FER1L6: variants seen among roughly 807,000 people sequenced by gnomAD.
FER1L6 encodes the protein fer-1 like family member 6.
FER1L6 carries 177 observed loss-of-function variants against 219.2 expected under a neutral mutation model. The ratio of observed to expected loss-of-function variants is 0.81; its 90% CI spans 0.71 to 0.91. The LOEUF is 0.91. Ranked by LOEUF, FER1L6 falls within the 40% of genes least tolerant of loss-of-function variation. The pLI is 0.00. For synonymous variants in FER1L6, 768 were observed against 824.3 expected (o/e 0.93, Z 1.17); for missense variants, 2,153 against 2,259.9 (o/e 0.95, Z 0.96).
chr8:124,008,134 C>T (rs1159112658), intron 13 of FER1L6, among the ~76,000 whole-genome samples: 1 of 152,158 alleles, frequency 6.6e-6, no homozygotes, highest in Non-Finnish European at 1.5e-5. Context: ...CCACTGTATC[C>T]TTCTTATGCC....
chr8:124,054,654 T>C (rs553616246), intron 22 of FER1L6, among the ~76,000 whole-genome samples: 1 of 152,308 alleles, frequency 6.6e-6, no homozygotes, highest in African/African-American at 2.4e-5. Context: ...TGCAACTAAC[T>C]GGGCAAAGAG....
At chr8:123,907,387 G>A (rs7839570) in intron 1 of FER1L6, among the ~76,000 whole-genome samples, 40,544 of 151,870 alleles carry the variant, frequency 0.27, 5,682 homozygotes, top group East Asian at 0.43. Context: ...CCTCCATTAT[G>A]GCCCATGCCA....
chr8:123,975,124 T>C, intron 7 of FER1L6, 26 bp from the exon 8 acceptor site: 1 of 1,557,634 alleles, frequency 6.4e-7, no homozygotes, highest in South Asian at 1.2e-5. Flanking sequence ...CTGTGAAGGA[T>C]GTGAGCTGTC....
chr8:124,090,865 G>C (rs534132120), intron 33 of FER1L6, among the ~76,000 whole-genome samples: 1 of 152,316 alleles, frequency 6.6e-6, no homozygotes, highest in Admixed American at 6.5e-5. Flanking sequence ...GGAGAAGGGA[G>C]GGACGAAGCA....
intron 1 of FER1L6, among the ~76,000 whole-genome samples, chr8:123,907,859 A>G (rs913335845): frequency 6.6e-6 from 1 of 151,856 alleles, no homozygotes; most frequent in Non-Finnish European, 1.5e-5. Flanking sequence ...TGGATGTCAG[A>G]GGGGCAGTAA....
chr8:124,097,000 A>ACC (rs34846850), intron 35 of FER1L6, among the ~76,000 whole-genome samples: 2 of 151,538 alleles, frequency 1.3e-5, no homozygotes, highest in South Asian at 4.2e-4. Context: ...CATTATGTCT[A>ACC]CCCCCTAGTT....
chr8:124,114,964 C>G (rs1823183945), intron 39 of FER1L6, among the ~76,000 whole-genome samples: 1 of 138,606 alleles, frequency 7.2e-6, no homozygotes, highest in African/African-American at 2.7e-5. Context: ...TGTCAGCATA[C>G]TTTCCTCCAT....
chr8:123,971,728 G>A (rs1478735027), intron 6 of FER1L6, among the ~76,000 whole-genome samples: 5 of 152,154 alleles, frequency 3.3e-5, no homozygotes, highest in Admixed American at 1.3e-4. Flanking sequence ...GAATATATAC[G>A]ACATGGGATA....
At chr8:123,902,597 G>A (rs1309762408) in intron 1 of FER1L6, among the ~76,000 whole-genome samples, 1 of 152,128 alleles carries the variant, frequency 6.6e-6, no homozygotes, top group Admixed American at 6.6e-5. Flanking sequence ...TTTCTTTAAA[G>A]TTTGATTTGT....
At chr8:124,080,292 G>T (rs1245166944) in intron 32 of FER1L6, among the ~76,000 whole-genome samples, 2 of 151,968 alleles carry the variant, frequency 1.3e-5, no homozygotes, top group African/African-American at 2.4e-5. Flanking sequence ...TGGGTAACTG[G>T]AAGTTCAACC....
At chr8:123,964,720 T>G (rs1263222592) in intron 3 of FER1L6, among the ~76,000 whole-genome samples, 1 of 152,178 alleles carries the variant, frequency 6.6e-6, no homozygotes, top group Non-Finnish European at 1.5e-5. Context: ...TTTTCCTTGG[T>G]CAGAACATTC....
intron 1 of FER1L6, among the ~76,000 whole-genome samples, chr8:123,950,875 G>T (rs1814732178): frequency 6.6e-6 from 1 of 152,170 alleles, no homozygotes; most frequent in South Asian, 2.1e-4. Context: ...GAAGAGGATT[G>T]TTCTTTTTCT....
At chr8:124,011,921 A>C (rs1257476063) in intron 14 of FER1L6, among the ~76,000 whole-genome samples, 2 of 152,370 alleles carry the variant, frequency 1.3e-5, no homozygotes, top group African/African-American at 4.8e-5. Flanking sequence ...CTAAATAATT[A>C]TTCAGGGAAT....
In FER1L6 at chr8:123,934,759, G is replaced by T. The variant is rs146007902; in HGVS notation, c.-7-21233G>T. ...TCATCTCGAATTATAATCCCCACGTGTTGGGGGGGAGGGGTCCTGGTGGGA... is the reference window on the plus strand; with the variant it reads ...TCATCTCGAATTATAATCCCCACGTTTTGGGGGGGAGGGGTCCTGGTGGGA... On this transcript the variant is annotated intron_variant, in intron 1 of 40. Coordinates refer to ENST00000522917, the MANE Select transcript of FER1L6 (RefSeq NM_001039112.2). Among the ~76,000 whole-genome samples, 600 of 152,226 alleles carry T rather than the reference G, an allele frequency of 3.9e-3. 3 individuals are homozygous for T. The highest frequency in any genetic ancestry group is 0.014 in the African/African-American group (584 of 41,530).
At chr8:123,857,109 T>C (rs1816661829) in intron 1 of FER1L6, among the ~76,000 whole-genome samples, 1 of 152,228 alleles carries the variant, frequency 6.6e-6, no homozygotes, top group African/African-American at 2.4e-5. Flanking sequence ...CTCTGATGGA[T>C]TTTTCTTCCC....
chr8:123,870,486 T>G (rs1816907137), intron 1 of FER1L6, among the ~76,000 whole-genome samples: 1 of 152,208 alleles, frequency 6.6e-6, no homozygotes, highest in South Asian at 2.1e-4. Flanking sequence ...AAGGAGCTAT[T>G]AAACTGTTAA....
intron 34 of FER1L6, among the ~76,000 whole-genome samples, chr8:124,094,087 A>G (rs1020873461): frequency 5.3e-5 from 8 of 152,140 alleles, no homozygotes; most frequent in African/African-American, 1.9e-4. Context: ...ATGAGAGCAC[A>G]TTTCCTGTGG....
At chr8:123,968,649 A>G (rs543979296) in intron 5 of FER1L6, among the ~76,000 whole-genome samples, 9 of 152,350 alleles carry the variant, frequency 5.9e-5, no homozygotes, top group African/African-American at 2.2e-4. Context: ...GAAAAAGTTT[A>G]AGCATATATA....
At position 123,886,209 on chromosome 8, in the gene FER1L6, GT is replaced by G. The variant is rs1817198610; in HGVS notation, c.-8+34027del. On this transcript the variant is annotated intron_variant, in intron 1 of 40. Coordinates refer to ENST00000522917, the MANE Select transcript of FER1L6 (RefSeq NM_001039112.2). ...TATGTCTTACTCTTAGGGTGCTATG[GT>G]TTGGATATGGTTTGTCCCCACCTAC... 7.2e-5 allele frequency among the ~76,000 whole-genome samples: 11 copies of G among 152,280 alleles called. No homozygotes were observed. The South Asian group carries it at 2.3e-3, about 32-fold the overall frequency.
Sources: allele counts gnomAD v4.1 joint callset (sites outside exome capture counted in the v4.1 genomes callset), GRCh38; gene constraint gnomAD v4.1.1; transcripts MANE v1.5; gene names NCBI Gene and HGNC (gene_info 2026-07-23, HGNC 2026-07-21).